Variants in ANKRD13C observed in about 807,000 individuals in gnomAD.
The protein encoded by ANKRD13C is ankyrin repeat domain-containing protein 13C.
Under a neutral mutation model 65.5 loss-of-function variants are expected in ANKRD13C, and 16 were observed. The observed-to-expected ratio is 0.24, with a 90% CI of 0.17 to 0.37. ANKRD13C has a LOEUF of 0.37. Among genes scored for constraint, ANKRD13C ranks in the 10% least tolerant of loss-of-function variants. The pLI is 1.00. For missense variants in ANKRD13C, 503 were observed against 655.9 expected (o/e 0.77, Z 2.55); for synonymous variants, 235 against 238.7 (o/e 0.98, Z 0.14).
chr1:70,332,838 A>G (rs915874673), intron 2 of ANKRD13C, among the ~76,000 whole-genome samples: 2 of 152,156 alleles, frequency 1.3e-5, no homozygotes, highest in Non-Finnish European at 2.9e-5. Context: ...AAATTAGAAT[A>G]CCCTCTGTGA....
At chr1:70,277,561 T>C (rs1048339261) in intron 9 of ANKRD13C, among the ~76,000 whole-genome samples, 4 of 150,818 alleles carry the variant, frequency 2.7e-5, no homozygotes, top group African/African-American at 9.8e-5. Flanking sequence ...AAAGAGCATA[T>C]TATTAAAGGC....
intron 1 of ANKRD13C, among the ~76,000 whole-genome samples, chr1:70,348,560 A>G (rs1160707394): frequency 6.6e-6 from 1 of 152,194 alleles, no homozygotes; most frequent in Non-Finnish European, 1.5e-5. Context: ...GTGAGCCACC[A>G]TGCCCAGCCT....
At chr1:70,310,649 A>T (rs1680810524) in intron 5 of ANKRD13C, among the ~76,000 whole-genome samples, 1 of 152,244 alleles carries the variant, frequency 6.6e-6, no homozygotes, top group Non-Finnish European at 1.5e-5. Context: ...GTATAATTAA[A>T]ATATCACTTT....
rs905306758 is a variant in ANKRD13C, at chr1:70,274,930, T to G, written c.1296-112A>C. ...TCATTAATATTTCAATTTTTCTTAC[T>G]CTGTCTACAGAAATAAAGTTATGCT... On this transcript the variant is annotated intron_variant, in intron 10 of 12. Coordinates refer to ENST00000370944, the MANE Select transcript of ANKRD13C (RefSeq NM_030816.5). 23 of 689,028 alleles carry G rather than the reference T, an allele frequency of 3.3e-5. No homozygotes were observed. In the South Asian group the frequency reaches 3.7e-4, roughly 11 times the overall value. The allele number at this position is 689,028 out of a possible 1,614,324, so 42.7% of individuals were successfully genotyped here.
chr1:70,310,802 T>A (rs1680815397), intron 5 of ANKRD13C, among the ~76,000 whole-genome samples: 1 of 152,062 alleles, frequency 6.6e-6, no homozygotes, highest in South Asian at 2.1e-4. Context: ...AGGACTGGGG[T>A]CTCCCCACAT....
chr1:70,306,350 C>CT, intron 5 of ANKRD13C, 60 bp from the exon 6 acceptor site: 2 of 1,096,938 alleles, frequency 1.8e-6, no homozygotes, highest in Middle Eastern at 2.1e-4. Context: ...TATTTACAAA[C>CT]TTTTAAATTA....
chr1:70,273,775 G>A (rs1348053948), intron 11 of ANKRD13C, among the ~76,000 whole-genome samples: 1 of 151,820 alleles, frequency 6.6e-6, no homozygotes, highest in Non-Finnish European at 1.5e-5. Context: ...TCCTGCCTCA[G>A]CCTCCCTAGT....
At chr1:70,268,493 A>G (rs999566457) in intron 12 of ANKRD13C, among the ~76,000 whole-genome samples, 1 of 152,208 alleles carries the variant, frequency 6.6e-6, no homozygotes, top group Non-Finnish European at 1.5e-5. Flanking sequence ...AGCTAGGAGG[A>G]GAATAGATCC....
chr1:70,272,108 T>G (rs1219321750), intron 11 of ANKRD13C, among the ~76,000 whole-genome samples: 2 of 152,186 alleles, frequency 1.3e-5, no homozygotes, highest in African/African-American at 4.8e-5. Context: ...CAGAAAGATC[T>G]GCTTTACTGA....
intron 2 of ANKRD13C, among the ~76,000 whole-genome samples, chr1:70,328,989 T>C (rs572930079): frequency 3.9e-5 from 6 of 152,342 alleles, no homozygotes; most frequent in Admixed American, 3.3e-4. Flanking sequence ...TATAGCTATT[T>C]CATGGTAGAC....
intron 6 of ANKRD13C, among the ~76,000 whole-genome samples, chr1:70,302,851 C>CAA (rs1364914229): frequency 2.0e-5 from 3 of 150,066 alleles, no homozygotes; most frequent in Non-Finnish European, 3.0e-5. Flanking sequence ...TGTAAGTGCA[C>CAA]TATTTGGGCT....
Position 70,341,364 on chromosome 1 carries a change from T to G in ANKRD13C, c.431-5265A>C, listed in dbSNP as rs774340241. 3.6e-3 allele frequency among the ~76,000 whole-genome samples: 208 copies of G among 57,398 alleles called. No homozygotes were observed. In the Middle Eastern group the frequency reaches 0.042, roughly 11 times the overall value. The allele number at this position is 57,398 out of a possible 152,430, so 37.7% of individuals were successfully genotyped here. On this transcript the variant is annotated intron_variant, in intron 1 of 12. Transcript: ENST00000370944. ...TCCAAATCTACCATCTTTTTGTGTG[T>G]TTTTTTTTTTTTTTTTTTGAGAAGT... is the stretch of plus-strand genomic sequence containing the variant.
chr1:70,346,052 G>A (rs1572182375), intron 1 of ANKRD13C, among the ~76,000 whole-genome samples: 1 of 151,256 alleles, frequency 6.6e-6, no homozygotes, highest in African/African-American at 2.4e-5. Flanking sequence ...GGGTGGTCTC[G>A]AACTCCTGAC....
At chr1:70,312,333 T>A (rs1050321389) in intron 5 of ANKRD13C, among the ~76,000 whole-genome samples, 4 of 151,772 alleles carry the variant, frequency 2.6e-5, no homozygotes, top group Non-Finnish European at 5.9e-5. Flanking sequence ...TGACCTCCCA[T>A]AGACTAGGCC....
chr1:70,335,991 T>C, intron 2 of ANKRD13C, 67 bp downstream of exon 2: 1 of 481,808 alleles, frequency 2.1e-6, no homozygotes, highest in Middle Eastern at 6.4e-4. Context: ...ACAAAACTGA[T>C]CTTAAAAATT....
At chr1:70,275,073 T>A (rs1679068904) in intron 10 of ANKRD13C, among the ~76,000 whole-genome samples, 1 of 152,218 alleles carries the variant, frequency 6.6e-6, no homozygotes, top group Admixed American at 6.5e-5. Flanking sequence ...ATAATTTTAA[T>A]AACCACTATT....
In ANKRD13C at chr1:70,279,926, G is replaced by T. The variant is rs1297036017; in HGVS notation, c.1216-3082C>A. Among the ~76,000 whole-genome samples, 8 of 152,158 alleles carry T rather than the reference G, an allele frequency of 5.3e-5. No individual in the cohort carries two copies. In the South Asian group the frequency reaches 6.2e-4, roughly 12 times the overall value. On this transcript the variant is annotated intron_variant, in intron 9 of 12. Transcript: ENST00000370944. Reference sequence around the variant, plus strand: ...TCCATCTCAACTAAGAACTAAGTTTGGAAGAGGTAAAGTTTAGTTTCCCTT... The same window carrying T: ...TCCATCTCAACTAAGAACTAAGTTTTGAAGAGGTAAAGTTTAGTTTCCCTT...
chr1:70,313,845 G>T, intron 4 of ANKRD13C, 55 bp from the exon 5 acceptor site: 1 of 1,343,428 alleles, frequency 7.4e-7, no homozygotes, highest in Non-Finnish European at 1.1e-6. Flanking sequence ...AAGTTCTTAT[G>T]CTTTAAAAAT....
chr1:70,333,950 T>C (rs1029682255), intron 2 of ANKRD13C, among the ~76,000 whole-genome samples: 3 of 152,146 alleles, frequency 2.0e-5, no homozygotes, highest in Admixed American at 1.3e-4. Flanking sequence ...CTCTAGTTAA[T>C]CTTACTTGTT....
Sources: allele counts gnomAD v4.1 joint callset (sites outside exome capture counted in the v4.1 genomes callset), GRCh38; gene constraint gnomAD v4.1.1; transcripts MANE v1.5; gene names NCBI Gene and HGNC (gene_info 2026-07-23, HGNC 2026-07-21).